The following LRRTM4 variants were observed in gnomAD, a reference collection of about 807,000 sequenced individuals.
The protein encoded by LRRTM4 is leucine-rich repeat transmembrane neuronal protein 4.
LRRTM4 carries 25 observed loss-of-function variants against 47.6 expected under a neutral mutation model. The ratio of observed to expected loss-of-function variants is 0.53; its 90% CI spans 0.38 to 0.73. The LOEUF is 0.73. Ranked by LOEUF, LRRTM4 falls within the 30% of genes least tolerant of loss-of-function variation. LRRTM4 has a pLI of 0.00. For synonymous variants in LRRTM4, 311 were observed against 269.5 expected, an observed-to-expected ratio of 1.15 and a Z score of -1.51; for missense variants, 638 against 713.4, an observed-to-expected ratio of 0.89 and a Z score of 1.20.
intron 3 of LRRTM4, among the ~76,000 whole-genome samples, chr2:77,201,587 T>C (rs913793353): frequency 1.3e-5 from 2 of 152,100 alleles, no homozygotes; most frequent in Non-Finnish European, 2.9e-5. Flanking sequence ...AAAGAAGAGA[T>C]AGTTTTTCAA....
chr2:77,232,266 C>T (rs1356722691), intron 3 of LRRTM4, among the ~76,000 whole-genome samples: 2 of 152,218 alleles, frequency 1.3e-5, no homozygotes, highest in Non-Finnish European at 1.5e-5. Flanking sequence ...AAGTCATCAA[C>T]ATCTTTATTC....
At chr2:76,905,010 G>A (rs1034609519) in intron 3 of LRRTM4, among the ~76,000 whole-genome samples, 11 of 152,096 alleles carry the variant, frequency 7.2e-5, no homozygotes, top group Admixed American at 4.6e-4. Flanking sequence ...CTCCCAGAAC[G>A]CAGCTGGAGA....
chr2:77,222,340 A>C (rs1358732350), intron 3 of LRRTM4, among the ~76,000 whole-genome samples: 1 of 152,208 alleles, frequency 6.6e-6, no homozygotes, highest in Admixed American at 6.5e-5. Context: ...AGCAGAAGGC[A>C]AGAAATAACT....
chr2:77,048,658 ATATGTT>A (rs1679311318), intron 3 of LRRTM4, among the ~76,000 whole-genome samples: 1 of 151,626 alleles, frequency 6.6e-6, no homozygotes, highest in Non-Finnish European at 1.5e-5. Flanking sequence ...CACGATAACT[ATATGTT>A]TTTTATGGGC....
chr2:77,330,358 T>G (rs754641755), intron 3 of LRRTM4, among the ~76,000 whole-genome samples: 11 of 152,150 alleles, frequency 7.2e-5, no homozygotes, highest in South Asian at 2.1e-4. Context: ...GGAGCTGACA[T>G]CTATCAAATT....
chr2:77,521,892 A>C, intron 1 of LRRTM4, 74 bp from the exon 2 acceptor site: 1 of 358,496 alleles, frequency 2.8e-6, no homozygotes. Context: ...TATATATAAA[A>C]AATCAGCACA....
intron 3 of LRRTM4, among the ~76,000 whole-genome samples, chr2:77,481,726 T>C (rs1007834501): frequency 2.0e-5 from 3 of 152,214 alleles, no homozygotes. Flanking sequence ...GTCTCAGATA[T>C]TCCTTGTCAG....
At chr2:76,843,408 C>A (rs1438731293) in intron 3 of LRRTM4, among the ~76,000 whole-genome samples, 2 of 152,046 alleles carry the variant, frequency 1.3e-5, no homozygotes, top group African/African-American at 2.4e-5. Flanking sequence ...TAATATATAT[C>A]TAATTTAATT....
intron 3 of LRRTM4, among the ~76,000 whole-genome samples, chr2:77,176,315 G>A (rs1474606702): frequency 6.6e-6 from 1 of 152,116 alleles, no homozygotes; most frequent in Non-Finnish European, 1.5e-5. Context: ...CCTCCGTTAA[G>A]GATTTATACA....
intron 3 of LRRTM4, among the ~76,000 whole-genome samples, chr2:77,324,002 A>G (rs992706383): frequency 6.6e-6 from 1 of 152,170 alleles, no homozygotes; most frequent in Non-Finnish European, 1.5e-5. Flanking sequence ...CATAATTACT[A>G]GGCTTGCATT....
intron 3 of LRRTM4, among the ~76,000 whole-genome samples, chr2:77,074,518 A>C (rs1680269371): frequency 6.6e-6 from 1 of 152,080 alleles, no homozygotes; most frequent in African/African-American, 2.4e-5. Flanking sequence ...TATTAAGCTT[A>C]TGGTACTCTA....
intron 3 of LRRTM4, among the ~76,000 whole-genome samples, chr2:77,049,122 T>TTA (rs3058032): frequency 0.13 from 7,927 of 62,032 alleles, 464 homozygotes; most frequent in Middle Eastern, 0.19. Context: ...ATTTCATTTT[T>TTA]TATATATATA....
At chr2:76,761,366 G>T (rs1410715155) in intron 3 of LRRTM4, among the ~76,000 whole-genome samples, 3 of 152,070 alleles carry the variant, frequency 2.0e-5, no homozygotes, top group Non-Finnish European at 4.4e-5. Flanking sequence ...ATCCTTGCTG[G>T]TGATTAAACT....
intron 3 of LRRTM4, among the ~76,000 whole-genome samples, chr2:77,311,661 T>A (rs1485076386): frequency 4.6e-5 from 7 of 152,178 alleles, no homozygotes; most frequent in Non-Finnish European, 1.0e-4. Flanking sequence ...GCAGGTGTGA[T>A]GCTGATCTGA....
intron 3 of LRRTM4, among the ~76,000 whole-genome samples, chr2:76,794,082 C>T (rs1187379517): frequency 6.6e-6 from 1 of 152,160 alleles, no homozygotes; most frequent in Non-Finnish European, 1.5e-5. Flanking sequence ...AAGCGGTTGT[C>T]AGTCTCCTGA....
intron 3 of LRRTM4, among the ~76,000 whole-genome samples, chr2:77,243,621 T>G (rs1177037341): frequency 6.6e-6 from 1 of 151,134 alleles, no homozygotes; most frequent in African/African-American, 2.4e-5. Flanking sequence ...TTGGTAGAGA[T>G]GGTTGCACAA....
intron 3 of LRRTM4, among the ~76,000 whole-genome samples, chr2:77,065,020 C>G (rs1314872053): frequency 2.0e-5 from 3 of 152,108 alleles, no homozygotes; most frequent in African/African-American, 7.2e-5. Flanking sequence ...TTGAACTCAA[C>G]TGTGGCTCAT....
chr2:77,506,127 A>G (rs1401647265), intron 3 of LRRTM4, among the ~76,000 whole-genome samples: 1 of 151,678 alleles, frequency 6.6e-6, no homozygotes, highest in African/African-American at 2.4e-5. Flanking sequence ...ATTGTAATAA[A>G]GAGTGAATCC....
At chr2:76,841,684 C>T (rs560336480) in intron 3 of LRRTM4, among the ~76,000 whole-genome samples, 1 of 145,022 alleles carries the variant, frequency 6.9e-6, no homozygotes, top group African/African-American at 2.5e-5. Context: ...AAAAACTTTA[C>T]TGTGTATATA....
Sources: allele counts gnomAD v4.1 joint callset (sites outside exome capture counted in the v4.1 genomes callset), GRCh38; gene constraint gnomAD v4.1.1; transcripts MANE v1.5; gene names NCBI Gene and HGNC (gene_info 2026-07-23, HGNC 2026-07-21).